Variants in OPRL1 observed in about 807,000 individuals in gnomAD.
OPRL1 encodes the protein opioid related nociceptin receptor 1.
Under a neutral mutation model 15.5 loss-of-function variants are expected in OPRL1, and 5 were observed. The observed-to-expected ratio is 0.32, with a 90% CI of 0.17 to 0.68. The LOEUF is 0.68. OPRL1 is among the 30% of genes least tolerant of loss of function. The pLI is 0.72. For missense variants in OPRL1, 406 were observed against 515.3 expected (o/e 0.79, Z 2.05); for synonymous variants, 223 against 230.2 (o/e 0.97, Z 0.28).
At chr20:64,085,666 C>T (rs865991087) in intron 1 of OPRL1, among the ~76,000 whole-genome samples, 25 of 152,110 alleles carry the variant, frequency 1.6e-4, no homozygotes, top group Middle Eastern at 3.2e-3. Flanking sequence ...ATTACTTCCA[C>T]GAGATGTCTG....
intron 3 of OPRL1, among the ~76,000 whole-genome samples, chr20:64,093,265 G>A (rs1364763735): frequency 6.6e-6 from 1 of 151,142 alleles, no homozygotes; most frequent in Non-Finnish European, 1.5e-5. Context: ...ATGACCTCAT[G>A]AGATCCCACA....
At position 64,099,966 on chromosome 20, in the gene OPRL1, A is replaced by T. The variant is rs1351392139; in HGVS notation, c.*1167A>T. 1 of 151,890 alleles carries T rather than the reference A, an allele frequency of 6.6e-6. No homozygotes were observed. The highest frequency in any genetic ancestry group is 1.5e-5 in the Non-Finnish European group (1 of 67,984). 9.4% of individuals were successfully genotyped at this position (151,890 alleles called of 1,614,324 possible). A position where few individuals can be genotyped will look rare whatever the true frequency, so the allele number is the denominator to read the frequency against. ...GACGCCTGCTTCATTTACAAGCCTC[A>T]AGATGGCTCTGTGTAGGGCCTGAGC... On this transcript the variant is annotated 3_prime_UTR_variant, in exon 5 of 5. Transcript: ENST00000336866.
chr20:64,082,574 G>A (rs539157893), intron 1 of OPRL1, among the ~76,000 whole-genome samples: 282 of 152,300 alleles, frequency 1.9e-3, no homozygotes, highest in African/African-American at 6.6e-3. Flanking sequence ...CTGAGTTCCT[G>A]CGGTCCCGCT....
chr20:64,083,250 C>T lies in OPRL1; in HGVS notation c.-185+2898C>T, dbSNP rs975256890. 104 of 815,154 alleles carry T rather than the reference C, an allele frequency of 1.3e-4. No homozygotes were observed. The Middle Eastern group carries it at 1.7e-3, about 14-fold the overall frequency. 50.5% of individuals were successfully genotyped at this position (815,154 alleles called of 1,614,324 possible). A position where few individuals can be genotyped will look rare whatever the true frequency, so the allele number is the denominator to read the frequency against. On this transcript the variant is annotated intron_variant, in intron 1 of 4. Transcript: ENST00000336866. The surrounding 1 kb of genome is among the most constrained non-coding windows in gnomAD (Gnocchi z 4.9). Reference sequence around the variant, plus strand: ...TTCACACCCACCCACTTGCGTCTCCCCACTTTTTTGGGAGAGGCCCCACTC... The same window carrying T: ...TTCACACCCACCCACTTGCGTCTCCTCACTTTTTTGGGAGAGGCCCCACTC...
intron 1 of OPRL1, among the ~76,000 whole-genome samples, chr20:64,082,819 G>C (rs1217999025): frequency 6.7e-6 from 1 of 149,240 alleles, no homozygotes; most frequent in Non-Finnish European, 1.5e-5. Flanking sequence ...GTGTGTGTGT[G>C]GGGGGGTGGG....
At chr20:64,093,351 G>C (rs553088087) in intron 3 of OPRL1, among the ~76,000 whole-genome samples, 1 of 148,644 alleles carries the variant, frequency 6.7e-6, no homozygotes, top group African/African-American at 2.5e-5. Context: ...AGCTCGGACC[G>C]TTCTGAAACC....
chr20:64,085,808 C>T (rs1004313759), intron 1 of OPRL1, among the ~76,000 whole-genome samples: 1 of 152,178 alleles, frequency 6.6e-6, no homozygotes, highest in Non-Finnish European at 1.5e-5. Flanking sequence ...TGGCAGGAGG[C>T]TGTTGGGTGT....
chr20:64,087,672 G>A (rs1211275351), intron 1 of OPRL1, among the ~76,000 whole-genome samples: 6 of 152,150 alleles, frequency 3.9e-5, no homozygotes, highest in Admixed American at 6.5e-5. Context: ...CGTGTCTTGG[G>A]CTATCCCTAG....
In OPRL1 at chr20:64,080,359, C is replaced by G. The variant is rs2059953465; in HGVS notation, c.-185+7C>G. On this transcript the variant is annotated splice_region_variant and intron_variant, in intron 1 of 4. Transcript: ENST00000336866. ...GCAAAGGACCGATCGGCGGGTACGC[C>G]AGCCCGGCCCACCCCTCGCCTCCGT... is the stretch of plus-strand genomic sequence containing the variant. 1 of 152,248 alleles carries G rather than the reference C, an allele frequency of 6.6e-6. No homozygotes were observed. The highest frequency in any genetic ancestry group is 2.4e-5 in the African/African-American group (1 of 41,460). 9.4% of individuals were successfully genotyped at this position (152,248 alleles called of 1,614,324 possible).
chr20:64,083,531 A>G lies in OPRL1; in HGVS notation c.-185+3179A>G. On this transcript the variant is annotated intron_variant, in intron 1 of 4. Transcript: ENST00000336866. This position sits in a 1 kb window ranked among gnomAD's most constrained non-coding sequence, Gnocchi z 4.9. Reference sequence around the variant, plus strand: ...AGAGGCTGGGGTCCGGCGTGTGCGGAGGCGGGCAGGGCCCCTCCCCTTTCC... The same window carrying G: ...AGAGGCTGGGGTCCGGCGTGTGCGGGGGCGGGCAGGGCCCCTCCCCTTTCC... 1 of 1,556,950 alleles carries G rather than the reference A, an allele frequency of 6.4e-7. No individual in the cohort carries two copies.
In OPRL1 at chr20:64,083,062, C is replaced by T. The variant is rs1223110218; in HGVS notation, c.-185+2710C>T. 6.6e-6 allele frequency among the ~76,000 whole-genome samples: 1 copy of T among 152,184 alleles called. No individual in the cohort carries two copies. Among genetic ancestry groups the T allele is most frequent in the African/African-American group, 2.4e-5 (1 of 41,436 alleles). ...GTGGGATGACTCGCACTCGAGACCA[C>T]TGCAGCCTGAGGCTACCCTTACATC... On this transcript the variant is annotated intron_variant, in intron 1 of 4. Transcript: ENST00000336866. This position sits in a 1 kb window ranked among gnomAD's most constrained non-coding sequence, Gnocchi z 4.9.
In OPRL1 at chr20:64,081,084, GA is replaced by G. The variant is rs1010490482; in HGVS notation, c.-185+733del. Among the ~76,000 whole-genome samples the G allele has an allele frequency of 1.8e-4, 28 of 151,988 alleles. No individual in the cohort carries two copies. In the Middle Eastern group the frequency reaches 0.014, roughly 74 times the overall value. Reference sequence around the variant, plus strand: ...GAGCAGGCAGGGAAGGCCTGGGTGAGAGGGGGGAGGGCTGAGGAGGGGAGGG... The same window carrying G: ...GAGCAGGCAGGGAAGGCCTGGGTGAGGGGGGGAGGGCTGAGGAGGGGAGGG... On this transcript the variant is annotated intron_variant, in intron 1 of 4. Coordinates refer to ENST00000336866, the MANE Select transcript of OPRL1 (RefSeq NM_182647.4).
Position 64,089,377 on chromosome 20 carries a change from C to T in OPRL1, c.-184-2589C>T, listed in dbSNP as rs2060098353. Among the ~76,000 whole-genome samples the T allele has an allele frequency of 6.6e-6, 1 of 152,016 alleles. No individual in the cohort carries two copies. The highest frequency in any genetic ancestry group is 6.5e-5 in the Admixed American group (1 of 15,268). On this transcript the variant is annotated intron_variant, in intron 1 of 4. Coordinates refer to ENST00000336866, the MANE Select transcript of OPRL1 (RefSeq NM_182647.4). This position sits in a 1 kb window ranked among gnomAD's most constrained non-coding sequence, Gnocchi z 5.5. Reference sequence around the variant, plus strand: ...GCTGGGAGCTGCCTTGGTGGGGGTGCAGGTGGCTGGTTGCTATTGCTGGGT... The same window carrying T: ...GCTGGGAGCTGCCTTGGTGGGGGTGTAGGTGGCTGGTTGCTATTGCTGGGT...
Position 64,098,393 on chromosome 20 carries a change from G to A in OPRL1, c.707G>A (p.Ser236Asn). ...VPVLVISVCYSLMIRRLRGVR... is the reference protein window; with the variant it reads ...VPVLVISVCYNLMIRRLRGVR... ...GTGCTCGTCATCTCTGTCTGCTACA[G>A]CCTCATGATCCGGCGGCTCCGTGGA... Residue 236 changes from serine to asparagine, a missense_variant, in exon 5 of 5, where the codon AGC becomes AAC. Transcript: ENST00000336866. 1 of 1,613,728 alleles carries A rather than the reference G, an allele frequency of 6.2e-7. No homozygotes were observed. The highest frequency in any genetic ancestry group is 8.5e-7 in the Non-Finnish European group (1 of 1,180,020).
chr20:64,084,147 C>T, intron 1 of OPRL1: 2 of 1,457,926 alleles, frequency 1.4e-6, no homozygotes, highest in South Asian at 1.3e-5. Flanking sequence ...TCACCCTGCG[C>T]CGTGCCTGGC....
Position 64,098,888 on chromosome 20 carries a change from C to A in OPRL1, c.*89C>A, listed in dbSNP as rs1158392052. 1 of 1,456,206 alleles carries A rather than the reference C, an allele frequency of 6.9e-7. No individual in the cohort carries two copies. Among genetic ancestry groups the A allele is most frequent in the African/African-American group, 1.4e-5 (1 of 71,184 alleles). The allele number at this position is 1,456,206 out of a possible 1,614,324, so 90.2% of individuals were successfully genotyped here. On this transcript the variant is annotated 3_prime_UTR_variant, in exon 5 of 5. Coordinates refer to ENST00000336866, the MANE Select transcript of OPRL1 (RefSeq NM_182647.4). ...CTCACACAGGTCACTGCTCTCTAGG[C>A]GGACACACCCTGGGCCCTGAGCATC...
chr20:64,099,108 G>C lies in OPRL1; in HGVS notation c.*309G>C, dbSNP rs1004673816. On this transcript the variant is annotated 3_prime_UTR_variant, in exon 5 of 5. Transcript: ENST00000336866. Reference sequence around the variant, plus strand: ...GCAGCTGACATGCTGGTGGACGGCCGTGACTGGAGCCCGTGCCCCTCCCTC... The same window carrying C: ...GCAGCTGACATGCTGGTGGACGGCCCTGACTGGAGCCCGTGCCCCTCCCTC... 2.3e-5 allele frequency: 10 copies of C among 426,436 alleles called. No homozygotes were observed. The highest frequency in any genetic ancestry group is 1.1e-4 in the East Asian group (3 of 26,510). The allele number at this position is 426,436 out of a possible 1,614,324, so 26.4% of individuals were successfully genotyped here. A position where few individuals can be genotyped will look rare whatever the true frequency, so the allele number is the denominator to read the frequency against.
chr20:64,097,730 G>A lies in OPRL1; in HGVS notation c.234-72G>A. On this transcript the variant is annotated intron_variant, in intron 3 of 4. Transcript: ENST00000336866. This position sits in a 1 kb window ranked among gnomAD's most constrained non-coding sequence, Gnocchi z 4.2. ...CTGTAGCTTGTGGTGGCCAAGAGGA[G>A]CCCCTTGCCCTTTGCTGCCTGGTCC... is the stretch of plus-strand genomic sequence containing the variant. The A allele has an allele frequency of 7.5e-7, 1 of 1,326,590 alleles. No homozygotes were observed. The highest frequency in any genetic ancestry group is 1.1e-6 in the Non-Finnish European group (1 of 940,648). 82.2% of individuals were successfully genotyped at this position (1,326,590 alleles called of 1,614,324 possible).
At chr20:64,081,096 C>A (rs577521443) in intron 1 of OPRL1, among the ~76,000 whole-genome samples, 60 of 109,708 alleles carry the variant, frequency 5.5e-4, no homozygotes, top group African/African-American at 2.0e-3. Flanking sequence ...GGGGGGAGGG[C>A]TGAGGAGGGG....
Sources: gnomAD v4.1 joint callset for allele counts (sites outside exome capture counted in the v4.1 genomes callset) on GRCh38, gnomAD v4.1.1 for gene constraint, Gnocchi (gnomAD v3.1) non-coding constraint, MANE v1.5 for transcripts, NCBI Gene and HGNC (gene_info 2026-07-23, HGNC 2026-07-21) for gene names.